SLC15A4: variants seen among roughly 807,000 people sequenced by gnomAD.
SLC15A4 encodes solute carrier family 15 member 4, also known as hPHT1.
Under a neutral mutation model 46.1 loss-of-function variants are expected in SLC15A4, and 26 were observed. The observed-to-expected ratio is 0.56, with a 90% CI of 0.41 to 0.78. The LOEUF (loss-of-function observed/expected upper bound fraction) is 0.78, where lower values mean the gene tolerates loss of function less well. SLC15A4 is among the 30% of genes least tolerant of loss of function. SLC15A4 has a pLI of 0.00. For synonymous variants in SLC15A4, 370 were observed against 333.4 expected (o/e 1.11, Z -1.20); for missense variants, 751 against 755.7 (o/e 0.99, Z 0.07).
At chr12:128,806,736 T>G (rs1238676106) in intron 5 of SLC15A4, among the ~76,000 whole-genome samples, 1 of 152,060 alleles carries the variant, frequency 6.6e-6, no homozygotes, top group Non-Finnish European at 1.5e-5. Flanking sequence ...ACTTTCCACT[T>G]CCATGTCACC....
intron 7 of SLC15A4, among the ~76,000 whole-genome samples, chr12:128,796,902 G>A (rs1168622329): frequency 2.0e-5 from 3 of 152,202 alleles, no homozygotes; most frequent in Non-Finnish European, 4.4e-5. Context: ...AAGGCTGCGC[G>A]GCCCTGCGGG....
intron 1 of SLC15A4, among the ~76,000 whole-genome samples, chr12:128,817,447 T>C (rs1299108547): frequency 6.6e-6 from 1 of 152,124 alleles, no homozygotes; most frequent in Non-Finnish European, 1.5e-5. Flanking sequence ...GTAAACATAG[T>C]ATATAAACTT....
intron 1 of SLC15A4, among the ~76,000 whole-genome samples, chr12:128,818,747 C>T (rs1955792621): frequency 6.6e-6 from 1 of 152,198 alleles, no homozygotes; most frequent in African/African-American, 2.4e-5. Context: ...AACAGGAACT[C>T]CTGTTCCCTT....
intron 4 of SLC15A4, 96 bp from the exon 5 acceptor site, chr12:128,809,052 G>C: frequency 3.4e-6 from 4 of 1,159,818 alleles, no homozygotes; most frequent in Non-Finnish European, 2.5e-6. Context: ...TGCACGTAAA[G>C]AACAGTTCCT....
rs1955413193 is a variant in SLC15A4, at chr12:128,793,814, G to A, written c.*382C>T. The A allele has an allele frequency of 6.2e-6, 1 of 162,438 alleles. No homozygotes were observed. Among genetic ancestry groups the A allele is most frequent in the Non-Finnish European group, 1.3e-5 (1 of 75,982 alleles). The allele number at this position is 162,438 out of a possible 1,614,324, so 10.1% of individuals were successfully genotyped here. A position where few individuals can be genotyped will look rare whatever the true frequency, so the allele number is the denominator to read the frequency against. ...TTTTTTTACAGTGAGATATGGCTAT[G>A]GGAAGCAGGTGATACTATTTGTTTA... is the stretch of plus-strand genomic sequence containing the variant. On this transcript the variant is annotated 3_prime_UTR_variant, in exon 8 of 8. Coordinates refer to ENST00000266771, the MANE Select transcript of SLC15A4 (RefSeq NM_145648.4).
At chr12:128,821,647 G>A (rs1442741562) in intron 1 of SLC15A4, among the ~76,000 whole-genome samples, 1 of 152,142 alleles carries the variant, frequency 6.6e-6, no homozygotes, top group East Asian at 1.9e-4. Context: ...CAGCACTTTG[G>A]GAGGCCGAGG....
Position 128,823,689 on chromosome 12 carries a change from G to C in SLC15A4, c.255C>G (p.Thr85=). The C allele has an allele frequency of 3.3e-6, 5 of 1,519,158 alleles. No individual in the cohort carries two copies. The highest frequency in any genetic ancestry group is 4.4e-6 in the Non-Finnish European group (5 of 1,140,938). The allele number at this position is 1,519,158 out of a possible 1,614,324, so 94.1% of individuals were successfully genotyped here. Residue 85 remains threonine, a synonymous_variant, in exon 1 of 8, where the codon ACC becomes ACG. Coordinates refer to ENST00000266771, the MANE Select transcript of SLC15A4 (RefSeq NM_145648.4). ...AGCCTCCGAACGGCGAGCCCAGGTA[G>C]GTGAGGCCCATGAAGAGCAGCAGCG... The part of the protein sequence containing the change: ...SEALLLFMGL[T]YLGSPFGGWL...
chr12:128,802,295 G>A (rs2135707908), intron 5 of SLC15A4, among the ~76,000 whole-genome samples: 1 of 152,316 alleles, frequency 6.6e-6, no homozygotes, highest in East Asian at 1.9e-4. Flanking sequence ...CGACAGGGCA[G>A]CTGACAGCAA....
intron 5 of SLC15A4, among the ~76,000 whole-genome samples, chr12:128,804,007 C>T (rs1349575532): frequency 6.6e-6 from 1 of 152,204 alleles, no homozygotes; most frequent in African/African-American, 2.4e-5. Flanking sequence ...TCCCCATGGC[C>T]TCAGGCCCAC....
At position 128,816,828 on chromosome 12, in the gene SLC15A4, A is replaced by AC. The variant is rs555785721; in HGVS notation, c.547-1759_547-1758insG. On this transcript the variant is annotated intron_variant, in intron 1 of 7. Transcript: ENST00000266771. The stretch of plus-strand genomic sequence containing the variant: ...TAAGCGACAGAGGCCCTGTCTCAAA[A>AC]GAAAAAAAAAGATATGGTATGTAAT... Among the ~76,000 whole-genome samples, 483 of 152,306 alleles carry AC rather than the reference A, an allele frequency of 3.2e-3. 1 individual carries two copies. The highest frequency in any genetic ancestry group is 4.6e-3 in the Non-Finnish European group (312 of 68,022).
rs144196521 is a variant in SLC15A4 at position 128,818,825 on chromosome 12, C to T, written c.547-3755G>A. On this transcript the variant is annotated intron_variant, in intron 1 of 7. Coordinates refer to ENST00000266771, the MANE Select transcript of SLC15A4 (RefSeq NM_145648.4). ...AATCTACTTCCAGTCTCTGTGGACT[C>T]GCCTCTTCCGGGCATTCCACATCAA... 2.0e-3 allele frequency among the ~76,000 whole-genome samples: 304 copies of T among 152,294 alleles called. 1 individual carries two copies. The highest frequency in any genetic ancestry group is 3.4e-3 in the Middle Eastern group (1 of 294).
rs1454734683 is a variant in SLC15A4, at chr12:128,793,903, T to C, written c.*293A>G. On this transcript the variant is annotated 3_prime_UTR_variant, in exon 8 of 8. Transcript: ENST00000266771. ...GACTTTGCAATCTCCATTTGTGAGTTTCTGTAAAAAAGGGAACCCAGCTAG... is the reference window on the plus strand; with the variant it reads ...GACTTTGCAATCTCCATTTGTGAGTCTCTGTAAAAAAGGGAACCCAGCTAG... The C allele has an allele frequency of 3.5e-5, 9 of 260,528 alleles. No homozygotes were observed. The East Asian group carries it at 6.4e-4, about 19-fold the overall frequency. 16.1% of individuals were successfully genotyped at this position (260,528 alleles called of 1,614,324 possible). A position where few individuals can be genotyped will look rare whatever the true frequency, so the allele number is the denominator to read the frequency against.
Position 128,808,917 on chromosome 12 carries a change from T to G in SLC15A4, c.1129A>C (p.Ile377Leu). ...TCCTTCAGAGGGATGAGCAGGAGGA[T>G]GAGCACAGCATCAAACATGGTCAGC... The part of the protein sequence containing the change: ...AWLTMFDAVL[I>L]LLLIPLKDKL... Residue 377 changes from isoleucine to leucine, a missense_variant, in exon 5 of 8, where the codon ATC (isoleucine) becomes CTC (leucine). By Grantham distance (5) the Ile-to-Leu change is conservative. Coordinates refer to ENST00000266771, the MANE Select transcript of SLC15A4 (RefSeq NM_145648.4). The G allele has an allele frequency of 6.2e-7, 1 of 1,614,196 alleles. No homozygotes were observed. The highest frequency in any genetic ancestry group is 8.5e-7 in the Non-Finnish European group (1 of 1,180,026).
intron 1 of SLC15A4, among the ~76,000 whole-genome samples, chr12:128,819,048 T>C (rs11059933): frequency 0.095 from 14,401 of 152,214 alleles, 929 homozygotes; most frequent in Admixed American, 0.2. Context: ...TATAGAAAAG[T>C]TGAATTGCAA....
chr12:128,799,146 G>T (rs1299853805), intron 7 of SLC15A4, 113 bp downstream of exon 7: 1 of 1,161,840 alleles, frequency 8.6e-7, no homozygotes, highest in Non-Finnish European at 1.2e-6. Context: ...TGGACAGGCA[G>T]CTCGGGACAG....
chr12:128,823,622 G>C lies in SLC15A4; in HGVS notation c.322C>G (p.Leu108Val), dbSNP rs1461411208. The C allele has an allele frequency of 6.8e-7, 1 of 1,473,622 alleles. No individual in the cohort carries two copies. The highest frequency in any genetic ancestry group is 1.5e-5 in the African/African-American group (1 of 68,190). 91.3% of individuals were successfully genotyped at this position (1,473,622 alleles called of 1,614,324 possible). A position where few individuals can be genotyped will look rare whatever the true frequency, so the allele number is the denominator to read the frequency against. ...CCCAGCAGGTAGAGCGCCAGGCTCA[G>C]CAGGATGGCGCGCGCCCGGCCCAGC... Reference protein sequence around the residue: ...ARLGRARAILLSLALYLLGML... With the variant: ...ARLGRARAILVSLALYLLGML... The change falls in exon 1 of 8, where the codon CTG becomes GTG. Residue 108 changes from leucine to valine, a missense_variant. By Grantham distance (32) the Leu-to-Val change is conservative. Coordinates refer to ENST00000266771, the MANE Select transcript of SLC15A4 (RefSeq NM_145648.4).
At chr12:128,820,796 A>G (rs1269267139) in intron 1 of SLC15A4, among the ~76,000 whole-genome samples, 1 of 152,240 alleles carries the variant, frequency 6.6e-6, no homozygotes, top group Non-Finnish European at 1.5e-5. Flanking sequence ...ACAGGCACTC[A>G]CAGATACTTA....
chr12:128,802,564 G>C (rs1955529299), intron 5 of SLC15A4, among the ~76,000 whole-genome samples: 1 of 152,160 alleles, frequency 6.6e-6, no homozygotes, highest in Non-Finnish European at 1.5e-5. Flanking sequence ...GAGAGCCTAA[G>C]GATGACACCA....
chr12:128,817,327 G>A (rs2135721951), intron 1 of SLC15A4, among the ~76,000 whole-genome samples: 1 of 152,142 alleles, frequency 6.6e-6, no homozygotes, highest in South Asian at 2.1e-4. Context: ...CATGGACCAG[G>A]AAGAAAAATG....
Sources: allele counts gnomAD v4.1 joint callset (sites outside exome capture counted in the v4.1 genomes callset), GRCh38; gene constraint gnomAD v4.1.1; transcripts MANE v1.5; gene names NCBI Gene and HGNC (gene_info 2026-07-23, HGNC 2026-07-21).